Variants in ARMH4 observed in about 807,000 individuals in gnomAD.
ARMH4 encodes armadillo like helical domain containing 4, also known as armadillo-like helical domain-containing protein 4.
Under a neutral mutation model 61.9 loss-of-function variants are expected in ARMH4, and 49 were observed. That is an observed-to-expected ratio of 0.79 (90% confidence interval 0.63 to 1.00). The LOEUF is 1.00. Among genes scored for constraint, ARMH4 ranks in the 50% least tolerant of loss-of-function variants. The pLI, the probability that ARMH4 is intolerant of heterozygous loss-of-function variation, is 0.00. For missense variants in ARMH4, 934 were observed against 930.0 expected (o/e 1.00, Z -0.06); for synonymous variants, 368 against 341.5 (o/e 1.08, Z -0.85).
rs143032321 is a variant in ARMH4 at position 58,142,384 on chromosome 14, C to T, written c.-56-2970G>A. The stretch of plus-strand genomic sequence containing the variant: ...CAAGAAAGAAGAAAGGTAAAGTCCT[C>T]AGGACATGATCTACATGGCTGAAGA... On this transcript the variant is annotated intron_variant, in intron 1 of 7. Transcript: ENST00000267485. Among the ~76,000 whole-genome samples the T allele has an allele frequency of 4.9e-3, 740 of 152,296 alleles. 6 individuals are homozygous for T. Among genetic ancestry groups the T allele is most frequent in the African/African-American group, 0.017 (700 of 41,566 alleles).
intron 5 of ARMH4, among the ~76,000 whole-genome samples, chr14:58,030,399 C>G (rs1203498012): frequency 6.6e-6 from 1 of 152,054 alleles, no homozygotes; most frequent in Non-Finnish European, 1.5e-5. Flanking sequence ...AACCACTAGG[C>G]AAAAAATGGA....
At chr14:58,011,778 A>AC (rs1882417431) in intron 6 of ARMH4, among the ~76,000 whole-genome samples, 1 of 147,762 alleles carries the variant, frequency 6.8e-6, no homozygotes, top group Non-Finnish European at 1.5e-5. Context: ...AAAAAAAAAA[A>AC]AAAACAGATG....
intron 4 of ARMH4, 64 bp from the exon 5 acceptor site, chr14:58,097,045 T>A: frequency 6.6e-7 from 1 of 1,505,436 alleles, no homozygotes; most frequent in Non-Finnish European, 9.2e-7. Flanking sequence ...AACAAATGAA[T>A]CCTTGGAAAT....
At chr14:58,143,651 ACAGGGTTTCACCATGCTGG>A (rs796588986) in intron 1 of ARMH4, among the ~76,000 whole-genome samples, 137 of 151,730 alleles carry the variant, frequency 9.0e-4, no homozygotes, top group African/African-American at 3.3e-3. Context: ...TTTAATAGAG[ACAGGGTTTCACCATGCTGG>A]CCAGGTTGGT....
chr14:58,089,267 A>T (rs1399802473), intron 5 of ARMH4, among the ~76,000 whole-genome samples: 2 of 152,204 alleles, frequency 1.3e-5, no homozygotes, highest in East Asian at 3.8e-4. Flanking sequence ...AGCTGTTTGA[A>T]ATCTCACACT....
At chr14:58,034,404 C>T (rs1452586413) in intron 5 of ARMH4, among the ~76,000 whole-genome samples, 14 of 119,426 alleles carry the variant, frequency 1.2e-4, no homozygotes, top group African/African-American at 3.1e-4. Context: ...CTGAAGGAAG[C>T]GCTAAACATG....
Position 58,139,187 on chromosome 14 carries a change from T to C in ARMH4, c.172A>G (p.Ser58Gly), listed in dbSNP as rs757332214. 4 of 1,614,254 alleles carry C rather than the reference T, an allele frequency of 2.5e-6. No individual in the cohort carries two copies. In the Admixed American group the frequency reaches 5.0e-5, roughly 20 times the overall value. ...DKMNTDDLEN[S>G]SVTSKQTPQL... ...GGAGTCTGCTTTGAGGTAACAGAGC[T>C]ATTTTCTAGGTCATCGGTGTTCATC... Residue 58 changes from serine to glycine, a missense_variant, in exon 2 of 8, where the codon AGC becomes GGC. By Grantham distance (56) the Ser-to-Gly change is moderately conservative (BLOSUM62 0). Transcript: ENST00000267485.
chr14:58,069,007 A>C (rs1162027202), intron 5 of ARMH4, among the ~76,000 whole-genome samples: 2 of 33,570 alleles, frequency 6.0e-5, no homozygotes, highest in South Asian at 1.8e-3. Context: ...CTCTGTCTCG[A>C]AAAAAAAAAA....
At chr14:58,127,473 G>A (rs1041845238) in intron 4 of ARMH4, among the ~76,000 whole-genome samples, 1 of 152,182 alleles carries the variant, frequency 6.6e-6, no homozygotes, top group African/African-American at 2.4e-5. Context: ...CCCCAGCCAT[G>A]TGGAACCTCT....
chr14:58,085,610 TAAAAG>T (rs1037627095), intron 5 of ARMH4, among the ~76,000 whole-genome samples: 4 of 152,174 alleles, frequency 2.6e-5, no homozygotes, highest in African/African-American at 7.2e-5. Flanking sequence ...GCATTTGTAA[TAAAAG>T]AAATGTGATT....
chr14:58,044,018 T>C (rs1365873657), intron 5 of ARMH4, among the ~76,000 whole-genome samples: 1 of 152,086 alleles, frequency 6.6e-6, no homozygotes, highest in Non-Finnish European at 1.5e-5. Context: ...AGAATCAATA[T>C]AGTGAAAATG....
chr14:58,069,928 T>C (rs1397961327), intron 5 of ARMH4, among the ~76,000 whole-genome samples: 1 of 152,010 alleles, frequency 6.6e-6, no homozygotes, highest in Non-Finnish European at 1.5e-5. Flanking sequence ...CTGAACACAG[T>C]GTGGAGAAGG....
chr14:58,104,505 C>A (rs1476919896), intron 4 of ARMH4, among the ~76,000 whole-genome samples: 1 of 152,204 alleles, frequency 6.6e-6, no homozygotes, highest in Non-Finnish European at 1.5e-5. Flanking sequence ...TCTCTTTTAG[C>A]CTACCTTATT....
intron 4 of ARMH4, among the ~76,000 whole-genome samples, chr14:58,116,795 G>A (rs1259419047): frequency 6.6e-6 from 1 of 152,146 alleles, no homozygotes; most frequent in Admixed American, 6.5e-5. Context: ...TGAAGATACC[G>A]ATTTACATAA....
intron 5 of ARMH4, among the ~76,000 whole-genome samples, chr14:58,046,668 CA>C (rs1450621854): frequency 6.6e-6 from 1 of 152,156 alleles, no homozygotes. Flanking sequence ...GTATTTTTAA[CA>C]AACTTCCCAA....
chr14:58,009,922 T>C (rs555608230), intron 6 of ARMH4, among the ~76,000 whole-genome samples: 1 of 151,602 alleles, frequency 6.6e-6, no homozygotes, highest in Non-Finnish European at 1.5e-5. Flanking sequence ...CTGATCTTAA[T>C]CTTAATATAG....
At chr14:58,102,433 GCAGGTA>G (rs1038658500) in intron 4 of ARMH4, among the ~76,000 whole-genome samples, 1 of 152,130 alleles carries the variant, frequency 6.6e-6, no homozygotes, top group Non-Finnish European at 1.5e-5. Flanking sequence ...AAGAATCTTT[GCAGGTA>G]CAAGTAAGTT....
chr14:58,043,341 C>T (rs1163246216), intron 5 of ARMH4, among the ~76,000 whole-genome samples: 1 of 151,986 alleles, frequency 6.6e-6, no homozygotes, highest in Non-Finnish European at 1.5e-5. Context: ...TAAACAGAAC[C>T]AATGACAAAA....
intron 5 of ARMH4, among the ~76,000 whole-genome samples, chr14:58,059,117 A>G (rs1223141840): frequency 6.6e-6 from 1 of 152,252 alleles, no homozygotes; most frequent in East Asian, 1.9e-4. Flanking sequence ...AAGAGCAGAC[A>G]GTTTAAGGTT....
Sources: allele counts gnomAD v4.1 joint callset (sites outside exome capture counted in the v4.1 genomes callset), GRCh38; gene constraint gnomAD v4.1.1; transcripts MANE v1.5; gene names NCBI Gene and HGNC (gene_info 2026-07-23, HGNC 2026-07-21).